Variants in RIPOR2 observed in about 807,000 individuals in gnomAD.
RIPOR2 encodes rho family-interacting cell polarization regulator 2.
Under a neutral mutation model 114.5 loss-of-function variants are expected in RIPOR2, and 39 were observed. The observed-to-expected ratio is 0.34, with a 90% confidence interval of 0.26 to 0.44. The LOEUF (loss-of-function observed/expected upper bound fraction) is 0.44. RIPOR2 is among the 20% of genes least tolerant of loss of function. The pLI, the probability that RIPOR2 is intolerant of heterozygous loss-of-function variation, is 1.00. For synonymous variants in RIPOR2, 445 were observed against 484.4 expected, an observed-to-expected ratio of 0.92 and a Z score of 1.07; for missense variants, 1,007 against 1,255.1, an observed-to-expected ratio of 0.80 and a Z score of 2.99.
chr6:24,885,805 A>G (rs113914946), intron 1 of RIPOR2, among the ~76,000 whole-genome samples: 22 of 152,218 alleles, frequency 1.4e-4, no homozygotes, highest in Non-Finnish European at 2.2e-4. Flanking sequence ...TAATTTAAAT[A>G]ATAAGGAATT....
intron 1 of RIPOR2, among the ~76,000 whole-genome samples, chr6:24,879,539 G>A (rs1766151422): frequency 6.6e-6 from 1 of 152,160 alleles, no homozygotes; most frequent in African/African-American, 2.4e-5. Flanking sequence ...TCCCCTAAAA[G>A]GTGACACATG....
At chr6:24,856,155 C>T (rs940333984) in intron 8 of RIPOR2, among the ~76,000 whole-genome samples, 1 of 152,128 alleles carries the variant, frequency 6.6e-6, no homozygotes, top group Non-Finnish European at 1.5e-5. Flanking sequence ...AAAAAAGAAG[C>T]ATGTGCTGTT....
chr6:24,962,805 C>A (rs974078783), intron 1 of RIPOR2, among the ~76,000 whole-genome samples: 25 of 152,190 alleles, frequency 1.6e-4, no homozygotes, highest in African/African-American at 6.0e-4. Flanking sequence ...TGGCATACAT[C>A]TGTTCAAATT....
At chr6:25,023,554 C>G in intron 1 of RIPOR2, 1 of 773,064 alleles carries the variant, frequency 1.3e-6, no homozygotes, top group Non-Finnish European at 2.4e-6. Flanking sequence ...ATTTCAAGCC[C>G]AGGCCTTGTT....
In RIPOR2 at chr6:24,875,890, A is replaced by C. The variant is rs2295196; in HGVS notation, c.62-73T>G. On this transcript the variant is annotated intron_variant, in intron 1 of 21. Transcript: ENST00000643898. ...AGAAGATGCACTAAGCTTGTCAACA[A>C]TGATAAAGGATGTAAAGTAAGCCAT... The C allele has an allele frequency of 2.3e-5, 32 of 1,368,254 alleles. No homozygotes were observed. In the African/African-American group the frequency reaches 4.5e-4, roughly 19 times the overall value. 84.8% of individuals were successfully genotyped at this position (1,368,254 alleles called of 1,614,324 possible).
intron 11 of RIPOR2, among the ~76,000 whole-genome samples, chr6:24,849,593 C>T (rs947094011): frequency 6.6e-6 from 1 of 152,138 alleles, no homozygotes; most frequent in Admixed American, 6.5e-5. Flanking sequence ...GCTTCTCCAA[C>T]TTTAACACGC....
At chr6:24,946,097 T>C (rs1316286710) in intron 1 of RIPOR2, among the ~76,000 whole-genome samples, 1 of 152,014 alleles carries the variant, frequency 6.6e-6, no homozygotes, top group Non-Finnish European at 1.5e-5. Flanking sequence ...TAATTTTTTT[T>C]TTTGAGACAG....
chr6:24,995,729 T>G (rs4712876), intron 1 of RIPOR2, among the ~76,000 whole-genome samples: 56,760 of 152,022 alleles, frequency 0.37, 10,830 homozygotes, highest in South Asian at 0.43. Context: ...ATATTTTATA[T>G]CTGTATAAAT....
At chr6:24,889,086 C>A (rs1008335494) in intron 1 of RIPOR2, among the ~76,000 whole-genome samples, 3 of 152,268 alleles carry the variant, frequency 2.0e-5, no homozygotes, top group African/African-American at 7.2e-5. Flanking sequence ...TTATTATAGA[C>A]TGGAAAATAA....
chr6:24,818,847 A>T (rs1759414278), intron 19 of RIPOR2, among the ~76,000 whole-genome samples: 4 of 151,802 alleles, frequency 2.6e-5, no homozygotes, highest in Admixed American at 2.6e-4. Context: ...CTATGACTCT[A>T]GGAGAACATA....
chr6:24,841,724 T>A (rs570960212), intron 13 of RIPOR2, among the ~76,000 whole-genome samples: 1 of 152,044 alleles, frequency 6.6e-6, no homozygotes, highest in Admixed American at 6.6e-5. Context: ...CTCAAGCGAT[T>A]CTTCCACCTC....
chr6:24,909,517 GTGGGTACACTC>G (rs1769336118), intron 1 of RIPOR2, among the ~76,000 whole-genome samples: 1 of 152,086 alleles, frequency 6.6e-6, no homozygotes, highest in Non-Finnish European at 1.5e-5. Flanking sequence ...AGGGAAGGAG[GTGGGTACACTC>G]TCAGAGCAAG....
intron 1 of RIPOR2, chr6:24,910,988 A>G: frequency 1.0e-6 from 1 of 984,902 alleles, no homozygotes; most frequent in Non-Finnish European, 1.2e-6. Context: ...GGTGGACGCG[A>G]GCTGTCCCCA....
chr6:24,982,096 T>C (rs991327521), intron 1 of RIPOR2, among the ~76,000 whole-genome samples: 14 of 152,208 alleles, frequency 9.2e-5, no homozygotes, highest in African/African-American at 3.1e-4. Flanking sequence ...TTAATAATGT[T>C]TTAAGAATCT....
intron 1 of RIPOR2, among the ~76,000 whole-genome samples, chr6:25,017,644 T>C (rs566813136): frequency 4.6e-5 from 7 of 152,332 alleles, no homozygotes; most frequent in Admixed American, 2.6e-4. Context: ...TGTTCTCTAA[T>C]TTGTTCAGGA....
At chr6:24,990,884 A>G (rs1774778512) in intron 1 of RIPOR2, among the ~76,000 whole-genome samples, 1 of 152,242 alleles carries the variant, frequency 6.6e-6, no homozygotes, top group South Asian at 2.1e-4. Context: ...TACATCAGAC[A>G]TATGAAGCTC....
chr6:24,931,310 T>G (rs1486165562), intron 1 of RIPOR2, among the ~76,000 whole-genome samples: 1 of 152,094 alleles, frequency 6.6e-6, no homozygotes, highest in African/African-American at 2.4e-5. Flanking sequence ...GTGTGTGTGT[T>G]AAGTGTTTTG....
intron 1 of RIPOR2, among the ~76,000 whole-genome samples, chr6:24,974,698 T>C (rs549262109): frequency 6.6e-6 from 1 of 152,326 alleles, no homozygotes; most frequent in Non-Finnish European, 1.5e-5. Flanking sequence ...AAAACATGTA[T>C]GCAAATGTTT....
At chr6:25,009,046 G>T (rs1219596933) in intron 1 of RIPOR2, among the ~76,000 whole-genome samples, 1 of 152,238 alleles carries the variant, frequency 6.6e-6, no homozygotes, top group Non-Finnish European at 1.5e-5. Context: ...CCTCAGAGAA[G>T]GCAACAAAAG....
Sources: gnomAD v4.1 joint callset for allele counts (sites outside exome capture counted in the v4.1 genomes callset) on GRCh38, gnomAD v4.1.1 for gene constraint, MANE v1.5 for transcripts, NCBI Gene and HGNC (gene_info 2026-07-23, HGNC 2026-07-21) for gene names.